The following TOR1AIP2 variants were observed in gnomAD, a reference collection of about 807,000 sequenced individuals.
TOR1AIP2 encodes torsin-1A-interacting protein 2.
Under a neutral mutation model 32.6 loss-of-function variants are expected in TOR1AIP2, and 20 were observed. The ratio of observed to expected loss-of-function variants is 0.61; its 90% CI spans 0.43 to 0.89. TOR1AIP2 has a LOEUF of 0.89. Among genes scored for constraint, TOR1AIP2 ranks in the 40% least tolerant of loss-of-function variants. The pLI is 0.00. For missense variants in TOR1AIP2, 456 were observed against 553.8 expected (o/e 0.82, Z 1.77); for synonymous variants, 214 against 210.8 (o/e 1.02, Z -0.13).
At chr1:179,866,594 G>A (rs756287572) in intron 2 of TOR1AIP2, among the ~76,000 whole-genome samples, 17 of 151,996 alleles carry the variant, frequency 1.1e-4, no homozygotes, top group Admixed American at 5.9e-4. Context: ...TAGTAGAGAC[G>A]GGCTTTCTCC....
rs187431911 is a variant in TOR1AIP2, at chr1:179,860,136, G to C, written c.-147+5300C>G. On this transcript the variant is annotated intron_variant, in intron 3 of 6. Transcript: ENST00000609928. ...GTGCTGGAATTACAGTGAGCCACCA[G>C]CCAATAAGTTTATAATAATTCAGCC... The C allele has an allele frequency of 6.2e-4, 613 of 985,222 alleles. 1 individual carries two copies. In the African/African-American group the frequency reaches 1.0e-2, roughly 16 times the overall value. 61.0% of individuals were successfully genotyped at this position (985,222 alleles called of 1,614,324 possible).
At position 179,842,947 on chromosome 1, in the gene TOR1AIP2, G is replaced by GC. The variant is rs1695769894; in HGVS notation, c.*3123dup. ...ACCTGTAGTCCCAGCTACTTGGAAGGCCGAGGCAGGAGAATGGCATGAACC... is the reference window on the plus strand; with the variant it reads ...ACCTGTAGTCCCAGCTACTTGGAAGGCCCGAGGCAGGAGAATGGCATGAACC... On this transcript the variant is annotated 3_prime_UTR_variant, in exon 7 of 7. Transcript: ENST00000609928. The GC allele has an allele frequency of 6.6e-6, 1 of 151,070 alleles. No individual in the cohort carries two copies. The highest frequency in any genetic ancestry group is 2.1e-4 in the South Asian group (1 of 4,790). 9.4% of individuals were successfully genotyped at this position (151,070 alleles called of 1,614,324 possible). A position where few individuals can be genotyped will look rare whatever the true frequency, so the allele number is the denominator to read the frequency against.
intron 2 of TOR1AIP2, among the ~76,000 whole-genome samples, chr1:179,870,432 T>C (rs974360978): frequency 2.6e-5 from 4 of 152,028 alleles, no homozygotes; most frequent in African/African-American, 9.7e-5. Flanking sequence ...CATACACATG[T>C]GCATTTTTTT....
chr1:179,850,783 T>C (rs542174680), intron 5 of TOR1AIP2, 62 bp downstream of exon 5: 8 of 1,538,236 alleles, frequency 5.2e-6, no homozygotes, highest in East Asian at 2.3e-5. Flanking sequence ...CTCTGACTTC[T>C]GCTGTGTTCT....
chr1:179,857,817 A>T (rs1696363616), intron 3 of TOR1AIP2, among the ~76,000 whole-genome samples: 1 of 152,210 alleles, frequency 6.6e-6, no homozygotes, highest in Non-Finnish European at 1.5e-5. Flanking sequence ...AAGCATACAC[A>T]ACTATAAAAG....
rs1695917846 is a variant in TOR1AIP2 at position 179,846,650 on chromosome 1, C to G, written c.834G>C (p.Arg278=). The G allele has an allele frequency of 1.9e-6, 3 of 1,614,124 alleles. No individual in the cohort carries two copies. The highest frequency in any genetic ancestry group is 2.5e-6 in the Non-Finnish European group (3 of 1,180,012). ...GQSSFLWQRG[R]KFLQKHLNAS... ...CATTGAGGTGCTTCTGGAGAAACTT[C>G]CGTCCTCTCTGCCACAGGAAGGAAC... Residue 278 remains arginine (R), a synonymous_variant, in exon 7 of 7, where the codon CGG becomes CGC. Coordinates refer to ENST00000609928, the MANE Select transcript of TOR1AIP2 (RefSeq NM_001199260.2).
At chr1:179,859,606 TCA>T in intron 3 of TOR1AIP2, 1 of 985,450 alleles carries the variant, frequency 1.0e-6, no homozygotes, top group Non-Finnish European at 1.2e-6. Context: ...TTTGTTTATT[TCA>T]GTGTTGTGGA....
Position 179,845,366 on chromosome 1 carries a change from A to G in TOR1AIP2, c.*705T>C, listed in dbSNP as rs1232169908. ...AAAAGCTGAAGTAAAGATATAGCCA[A>G]TTGGAATTTCTTCATTTCCAATGAT... On this transcript the variant is annotated 3_prime_UTR_variant, in exon 7 of 7. Coordinates refer to ENST00000609928, the MANE Select transcript of TOR1AIP2 (RefSeq NM_001199260.2). 3.3e-5 allele frequency: 5 copies of G among 152,220 alleles called. No individual in the cohort carries two copies. The highest frequency in any genetic ancestry group is 1.2e-4 in the African/African-American group (5 of 41,458). The allele number at this position is 152,220 out of a possible 1,614,324, so 9.4% of individuals were successfully genotyped here.
At chr1:179,859,723 C>T (rs1696443949) in intron 3 of TOR1AIP2, 1 of 985,442 alleles carries the variant, frequency 1.0e-6, no homozygotes, top group East Asian at 1.1e-4. Context: ...TCATCCATCC[C>T]TCCAGGCCTT....
intron 2 of TOR1AIP2, among the ~76,000 whole-genome samples, chr1:179,872,938 C>A (rs1697066347): frequency 6.6e-6 from 1 of 152,200 alleles, no homozygotes; most frequent in Non-Finnish European, 1.5e-5. Flanking sequence ...AAAAATAGCA[C>A]ACAGTTCCAT....
At chr1:179,853,698 A>T (rs1696198563) in intron 3 of TOR1AIP2, among the ~76,000 whole-genome samples, 1 of 152,230 alleles carries the variant, frequency 6.6e-6, no homozygotes, top group African/African-American at 2.4e-5. Flanking sequence ...GTAAAATTTA[A>T]ATTTACACAT....
chr1:179,876,988 ATT>A lies in TOR1AIP2; in HGVS notation c.-566+249_-566+250del, dbSNP rs11359156. On this transcript the variant is annotated intron_variant, in intron 2 of 6. Coordinates refer to ENST00000609928, the MANE Select transcript of TOR1AIP2 (RefSeq NM_001199260.2). ...TTCAACTTTGCCCTTTTTAGCACCAATTTTTTTTTTTTTTAAGTATTATCTTT... is the reference window on the plus strand; with the variant it reads ...TTCAACTTTGCCCTTTTTAGCACCAATTTTTTTTTTTTAAGTATTATCTTT... Among the ~76,000 whole-genome samples the A allele has an allele frequency of 1.0e-3, 153 of 146,896 alleles. 1 individual carries two copies. Among genetic ancestry groups the A allele is most frequent in the Admixed American group, 3.9e-3 (58 of 14,690 alleles).
At chr1:179,866,890 A>T (rs1696805422) in intron 2 of TOR1AIP2, among the ~76,000 whole-genome samples, 2 of 152,282 alleles carry the variant, frequency 1.3e-5, no homozygotes, top group South Asian at 4.1e-4. Context: ...ATAAGGTGGG[A>T]CAGTAGGATG....
In TOR1AIP2 at chr1:179,841,703, A is replaced by G. The variant is rs1695721988; in HGVS notation, c.*4368T>C. 6.6e-6 allele frequency: 1 copy of G among 152,220 alleles called. No individual in the cohort carries two copies. Among genetic ancestry groups the G allele is most frequent in the Non-Finnish European group, 1.5e-5 (1 of 68,046 alleles). The allele number at this position is 152,220 out of a possible 1,614,324, so 9.4% of individuals were successfully genotyped here. A position where few individuals can be genotyped will look rare whatever the true frequency, so the allele number is the denominator to read the frequency against. On this transcript the variant is annotated 3_prime_UTR_variant, in exon 7 of 7. Transcript: ENST00000609928. ...AAATAAATGATTACCCTAATCAGCT[A>G]TTATTTATTATTTTCTATTTAACAT...
At chr1:179,860,859 C>T (rs549101449) in intron 3 of TOR1AIP2, 80 of 985,308 alleles carry the variant, frequency 8.1e-5, no homozygotes, top group Non-Finnish European at 9.4e-5. Context: ...GGCTGCGGCT[C>T]ATCTCACTTT....
At chr1:179,867,260 T>C (rs1435924881) in intron 2 of TOR1AIP2, among the ~76,000 whole-genome samples, 2 of 152,210 alleles carry the variant, frequency 1.3e-5, no homozygotes, top group Non-Finnish European at 2.9e-5. Context: ...GTAGACATAC[T>C]GATGTGTTTT....
chr1:179,857,219 T>C (rs796653359), intron 3 of TOR1AIP2, among the ~76,000 whole-genome samples: 3 of 152,344 alleles, frequency 2.0e-5, no homozygotes, highest in African/African-American at 7.2e-5. Flanking sequence ...GCTCTATACG[T>C]GGCGGTTATA....
Position 179,846,199 on chromosome 1 carries a change from AGTT to A in TOR1AIP2, c.1282_1284del (p.Asn428del), listed in dbSNP as rs761994729. ...TGGTTGAAGGAGGTGGGAGTGTCAGAGTTGGTAAACTTGGCCCAGAGTAAGTCT... is the reference window on the plus strand; with the variant it reads ...TGGTTGAAGGAGGTGGGAGTGTCAGAGGTAAACTTGGCCCAGAGTAAGTCT... On this transcript the variant is annotated inframe_deletion, in exon 7 of 7. Transcript: ENST00000609928. The A allele has an allele frequency of 6.2e-7, 1 of 1,614,226 alleles. No individual in the cohort carries two copies. The highest frequency in any genetic ancestry group is 1.7e-5 in the Admixed American group (1 of 60,024).
intron 3 of TOR1AIP2, among the ~76,000 whole-genome samples, chr1:179,858,234 G>A (rs1696380334): frequency 6.6e-6 from 1 of 152,096 alleles, no homozygotes; most frequent in Admixed American, 6.6e-5. Flanking sequence ...AGGTTTGAAA[G>A]TATTCCATTT....
Sources: gnomAD v4.1 joint callset for allele counts (sites outside exome capture counted in the v4.1 genomes callset) on GRCh38, gnomAD v4.1.1 for gene constraint, MANE v1.5 for transcripts, NCBI Gene and HGNC (gene_info 2026-07-23, HGNC 2026-07-21) for gene names.